The following GKAP1 variants were observed in gnomAD, a reference collection of about 807,000 sequenced individuals.
The protein encoded by GKAP1 is G kinase anchoring protein 1, also known as G kinase-anchoring protein 1.
In GKAP1, 31 loss-of-function variants were observed where a neutral mutation model predicts 56.7. The observed-to-expected ratio is 0.55, with a 90% CI of 0.41 to 0.74. The LOEUF is 0.74. GKAP1 is among the 30% of genes least tolerant of loss of function. GKAP1 has a pLI of 0.00. For missense variants in GKAP1, 364 were observed against 402.3 expected (o/e 0.90, Z 0.82); for synonymous variants, 151 against 138.6 (o/e 1.09, Z -0.63).
At chr9:83,748,563 T>C (rs1009301229) in intron 9 of GKAP1, 191 bp from the exon 10 acceptor site, 2 of 379,848 alleles carry the variant, frequency 5.3e-6, no homozygotes, top group Middle Eastern at 7.4e-4. Context: ...CAATAATACA[T>C]ATCAATATTA....
rs114735082 is a variant in GKAP1, at chr9:83,779,642, T to C, written c.585+740A>G. ...ACACACACACACACACACACACACA[T>C]TCTAAAGTGAAATCGAGGACCATCT... is the stretch of plus-strand genomic sequence containing the variant. On this transcript the variant is annotated intron_variant, in intron 7 of 12. Coordinates refer to ENST00000376371, the MANE Select transcript of GKAP1 (RefSeq NM_025211.4). 2.7e-4 allele frequency among the ~76,000 whole-genome samples: 34 copies of C among 127,262 alleles called. 1 individual carries two copies. Among genetic ancestry groups the C allele is most frequent in the African/African-American group, 9.9e-4 (31 of 31,202 alleles). The allele number at this position is 127,262 out of a possible 152,430, so 83.5% of individuals were successfully genotyped here.
In GKAP1 at chr9:83,812,216, CAT is replaced by C. The variant is rs544605734; in HGVS notation, c.-44+4778_-44+4779del. ...ATACACATATATATACACATACATA[CAT>C]ACACACACACATGTATACATATATA... On this transcript the variant is annotated intron_variant, in intron 2 of 12. Transcript: ENST00000376371. Among the ~76,000 whole-genome samples the C allele has an allele frequency of 6.2e-4, 91 of 147,824 alleles. 1 individual carries two copies. The South Asian group carries it at 0.018, about 29-fold the overall frequency.
chr9:83,804,401 G>T lies in GKAP1; in HGVS notation c.216+1901C>A, dbSNP rs571150501. On this transcript the variant is annotated intron_variant, in intron 3 of 12. Transcript: ENST00000376371. ...GCCCCGTCCGGGAGGGAGGTGGGGG[G>T]GGTCAGCCCCCCGCCCGGCCAGCCA... 4.2e-3 allele frequency among the ~76,000 whole-genome samples: 587 copies of T among 138,348 alleles called. 1 individual carries two copies. The highest frequency in any genetic ancestry group is 5.6e-3 in the Non-Finnish European group (353 of 62,902). The allele number at this position is 138,348 out of a possible 152,430, so 90.8% of individuals were successfully genotyped here. A position where few individuals can be genotyped will look rare whatever the true frequency, so the allele number is the denominator to read the frequency against.
intron 5 of GKAP1, among the ~76,000 whole-genome samples, chr9:83,786,442 G>A (rs1257433681): frequency 2.6e-5 from 4 of 152,170 alleles, no homozygotes; most frequent in African/African-American, 7.2e-5. Flanking sequence ...TCGGGAGGCT[G>A]AGGCAGGAGA....
chr9:83,803,733 G>T (rs1238266581), intron 3 of GKAP1, among the ~76,000 whole-genome samples: 2 of 148,668 alleles, frequency 1.3e-5, no homozygotes, highest in African/African-American at 2.5e-5. Flanking sequence ...GACGTGAGGA[G>T]CCCCTCTGCC....
chr9:83,759,632 A>C (rs1943535735), intron 8 of GKAP1, among the ~76,000 whole-genome samples: 1 of 152,160 alleles, frequency 6.6e-6, no homozygotes, highest in Non-Finnish European at 1.5e-5. Flanking sequence ...ACATGTCTTC[A>C]GGGTTTAATC....
At chr9:83,750,547 C>T (rs1264113048) in intron 9 of GKAP1, among the ~76,000 whole-genome samples, 3 of 152,168 alleles carry the variant, frequency 2.0e-5, no homozygotes. Context: ...CAATATCATC[C>T]CACAGCAGCT....
rs550176818 is a variant in GKAP1, at chr9:83,769,936, G to A, written c.586-966C>T. Among the ~76,000 whole-genome samples, 7 of 152,298 alleles carry A rather than the reference G, an allele frequency of 4.6e-5. No homozygotes were observed. The South Asian group carries it at 1.4e-3, about 32-fold the overall frequency. On this transcript the variant is annotated intron_variant, in intron 7 of 12. Transcript: ENST00000376371. Reference sequence around the variant, plus strand: ...AAGTGCTATCTCATTGCGGTTTTCAGTCGCATTTCCCTGACAGCGAATGGT... The same window carrying A: ...AAGTGCTATCTCATTGCGGTTTTCAATCGCATTTCCCTGACAGCGAATGGT...
chr9:83,753,297 A>G lies in GKAP1; in HGVS notation c.801T>C (p.Ala267=). ...RLKLELERKD[A]EIQKLKNVIT... The stretch of plus-strand genomic sequence containing the variant: ...TTACATTTTTCAGCTTCTGGATTTC[A>G]GCATCTTTCCTTTCAAGCTCTAACT... Residue 267 remains alanine, a synonymous_variant, in exon 9 of 13, where the codon GCT becomes GCC. Transcript: ENST00000376371. The G allele has an allele frequency of 2.5e-6, 4 of 1,611,198 alleles. No individual in the cohort carries two copies. The South Asian group carries it at 4.4e-5, about 18-fold the overall frequency.
At chr9:83,801,289 A>G (rs1220060087) in intron 3 of GKAP1, among the ~76,000 whole-genome samples, 1 of 152,182 alleles carries the variant, frequency 6.6e-6, no homozygotes, top group East Asian at 1.9e-4. Flanking sequence ...GATTCTACTC[A>G]GAGTCTCAGA....
At chr9:83,759,585 C>G (rs138455689) in intron 8 of GKAP1, among the ~76,000 whole-genome samples, 2 of 152,142 alleles carry the variant, frequency 1.3e-5, no homozygotes, top group African/African-American at 4.8e-5. Flanking sequence ...TATTCTTTTG[C>G]TATTACAAAC....
chr9:83,794,176 T>C (rs559743951), intron 4 of GKAP1, among the ~76,000 whole-genome samples: 22 of 151,988 alleles, frequency 1.4e-4, no homozygotes, highest in Non-Finnish European at 2.4e-4. Flanking sequence ...TCAAAAAATA[T>C]ATGAAAATTA....
At chr9:83,767,672 C>T (rs927410531) in intron 8 of GKAP1, among the ~76,000 whole-genome samples, 1 of 151,890 alleles carries the variant, frequency 6.6e-6, no homozygotes, top group Non-Finnish European at 1.5e-5. Context: ...CATATTCTCT[C>T]TTTTCTAATT....
chr9:83,758,882 A>G (rs1943521770), intron 8 of GKAP1, among the ~76,000 whole-genome samples: 1 of 152,194 alleles, frequency 6.6e-6, no homozygotes, highest in African/African-American at 2.4e-5. Flanking sequence ...TTTCTCTGAG[A>G]AAGGAGCACA....
At chr9:83,779,403 C>A in intron 7 of GKAP1, among the ~76,000 whole-genome samples, 1 of 140,054 alleles carries the variant, frequency 7.1e-6, no homozygotes, top group Non-Finnish European at 1.5e-5. Flanking sequence ...ATGTTTGAAA[C>A]AAACAAAAAA....
chr9:83,797,687 ATCATTACCTG>A (rs1944270183), intron 4 of GKAP1, among the ~76,000 whole-genome samples: 1 of 126,160 alleles, frequency 7.9e-6, no homozygotes, highest in Non-Finnish European at 2.0e-5. Flanking sequence ...TTTCCTTTTC[ATCATTACCTG>A]CTCATTTCAG....
At chr9:83,781,113 A>G (rs899872577) in intron 6 of GKAP1, among the ~76,000 whole-genome samples, 26 of 152,330 alleles carry the variant, frequency 1.7e-4, no homozygotes, top group African/African-American at 6.0e-4. Flanking sequence ...CTGTAATCCC[A>G]GCACTTTGGG....
chr9:83,749,179 C>T (rs1943344291), intron 9 of GKAP1: 1 of 151,462 alleles, frequency 6.6e-6, no homozygotes, highest in Non-Finnish European at 1.5e-5. Context: ...CCATGCTACC[C>T]TTATTAAACA....
intron 7 of GKAP1, among the ~76,000 whole-genome samples, chr9:83,772,365 C>T (rs1943777760): frequency 6.6e-6 from 1 of 152,018 alleles, no homozygotes; most frequent in Admixed American, 6.6e-5. Flanking sequence ...GAGTGTTGTG[C>T]TGGGAGAAGT....
Sources: gnomAD v4.1 joint callset for allele counts (sites outside exome capture counted in the v4.1 genomes callset) on GRCh38, gnomAD v4.1.1 for gene constraint, MANE v1.5 for transcripts, NCBI Gene and HGNC (gene_info 2026-07-23, HGNC 2026-07-21) for gene names.